Variants in NSD1 observed in about 807,000 individuals in gnomAD.
NSD1 encodes nuclear receptor binding SET domain protein 1.
A neutral mutation model predicts 242.7 loss-of-function variants in NSD1; 26 were observed. The ratio of observed to expected loss-of-function variants is 0.11; its 90% confidence interval spans 0.08 to 0.15. NSD1 has a LOEUF of 0.15. NSD1 is among the 10% of genes least tolerant of loss of function. The pLI is 1.00. For synonymous variants in NSD1, 1,106 were observed against 1,178.1 expected, an observed-to-expected ratio of 0.94 and a Z score of 1.25; for missense variants, 2,495 against 3,272.8, an observed-to-expected ratio of 0.76 and a Z score of 5.80.
At chr5:177,232,144 T>C (rs1485392214) in intron 5 of NSD1, among the ~76,000 whole-genome samples, 5 of 152,190 alleles carry the variant, frequency 3.3e-5, no homozygotes, top group East Asian at 1.9e-4. Flanking sequence ...AACCATCTGC[T>C]CACCTTGGCC....
At chr5:177,138,773 G>C (rs1448748419) in intron 2 of NSD1, among the ~76,000 whole-genome samples, 1 of 151,606 alleles carries the variant, frequency 6.6e-6, no homozygotes, top group Non-Finnish European at 1.5e-5. Flanking sequence ...CTGAGTAGCT[G>C]GGATTACAGG....
At chr5:177,252,021 A>G (rs535673540) in intron 12 of NSD1, among the ~76,000 whole-genome samples, 168 bp downstream of exon 12, 70 of 152,364 alleles carry the variant, frequency 4.6e-4, no homozygotes, top group African/African-American at 1.6e-3. Flanking sequence ...CAAGTGAATA[A>G]TAAATGGGTA....
At chr5:177,198,772 C>T (rs1019792174) in intron 3 of NSD1, among the ~76,000 whole-genome samples, 1 of 152,102 alleles carries the variant, frequency 6.6e-6, no homozygotes, top group Non-Finnish European at 1.5e-5. Flanking sequence ...AATTCATATC[C>T]TTAGTGATAG....
At chr5:177,191,116 G>C (rs1055528370) in intron 2 of NSD1, among the ~76,000 whole-genome samples, 1 of 151,778 alleles carries the variant, frequency 6.6e-6, no homozygotes, top group East Asian at 1.9e-4. Context: ...GATTACAGGT[G>C]CCCGCTAACA....
intron 6 of NSD1, among the ~76,000 whole-genome samples, chr5:177,236,956 C>T (rs1229570880): frequency 6.6e-6 from 1 of 152,168 alleles, no homozygotes; most frequent in African/African-American, 2.4e-5. Context: ...TCCGTCTCAG[C>T]CTCCTGAGTA....
intron 8 of NSD1, among the ~76,000 whole-genome samples, chr5:177,240,700 G>A (rs1037280391): frequency 6.6e-6 from 1 of 151,342 alleles, no homozygotes; most frequent in Non-Finnish European, 1.5e-5. Flanking sequence ...GTGACAGGGC[G>A]AGACTCCGTC....
At position 177,210,753 on chromosome 5, in the gene NSD1, C is replaced by G. The variant is rs1190163166; in HGVS notation, c.2354C>G (p.Pro785Arg). Residue 785 changes from proline to arginine, a missense_variant, in exon 5 of 23, where the codon CCC becomes CGC. Pro to Arg is a moderately radical substitution (Grantham distance 103, BLOSUM62 -2). Coordinates refer to ENST00000439151, the MANE Select transcript of NSD1 (RefSeq NM_022455.5). ...QALLHSKSKQ[P>R]KFRSIKCKHK... ...CTATTACATTCGAAAAGCAAACAGC[C>G]CAAGTTCCGAAGTATAAAGTGCAAA... 6.2e-7 allele frequency: 1 copy of G among 1,614,114 alleles called. No homozygotes were observed. Among genetic ancestry groups the G allele is most frequent in the Admixed American group, 1.7e-5 (1 of 59,996 alleles).
At chr5:177,231,807 C>G (rs945959855) in intron 5 of NSD1, among the ~76,000 whole-genome samples, 3 of 152,078 alleles carry the variant, frequency 2.0e-5, no homozygotes, top group African/African-American at 7.2e-5. Context: ...AAAGCAATTG[C>G]ATATATATTA....
At position 177,246,724 on chromosome 5, in the gene NSD1, G is replaced by T; in HGVS notation, c.4425G>T (p.Arg1475Ser). The change falls in exon 10 of 23, where the codon AGG becomes AGT. Residue 1475 changes from arginine (R) to serine (S), a missense_variant. Physicochemically the swap from Arg to Ser is moderately radical, Grantham distance 110 (BLOSUM62 -1). Transcript: ENST00000439151. ...FDKPRKRKRQ[R>S]HAAAKMQCKK... is the part of the protein sequence containing the mutation. Reference sequence around the variant, plus strand: ...AGCCAAGGAAGCGAAAACGACAGAGGCATGCTGCAGCCAAGATGCAGTGTA... The same window carrying T: ...AGCCAAGGAAGCGAAAACGACAGAGTCATGCTGCAGCCAAGATGCAGTGTA... 6.2e-7 allele frequency: 1 copy of T among 1,614,116 alleles called. No individual in the cohort carries two copies. Among genetic ancestry groups the T allele is most frequent in the Non-Finnish European group, 8.5e-7 (1 of 1,179,992 alleles).
intron 12 of NSD1, among the ~76,000 whole-genome samples, chr5:177,256,440 G>A (rs1231112165): frequency 1.3e-5 from 2 of 151,812 alleles, no homozygotes; most frequent in Non-Finnish European, 2.9e-5. Flanking sequence ...GCATCACCAC[G>A]CCCAGCTAAT....
Position 177,292,085 on chromosome 5 carries a change from C to T in NSD1, c.6390C>T (p.Leu2130=), listed in dbSNP as rs764586761. 37 of 1,613,992 alleles carry T rather than the reference C, an allele frequency of 2.3e-5. No homozygotes were observed. The highest frequency in any genetic ancestry group is 3.0e-5 in the Non-Finnish European group (35 of 1,180,034). ...TTAGTTGTGGGGATGCTGGCCAGCT[C>T]GTCTCCTGCAAGAAACCAGGCTGCC... ...ECFSCGDAGQ[L]VSCKKPGCPK... is the part of the protein sequence containing the mutation. Residue 2130 remains leucine (L), a synonymous_variant, in exon 22 of 23, where the codon CTC becomes CTT. Transcript: ENST00000439151.
intron 2 of NSD1, among the ~76,000 whole-genome samples, chr5:177,172,408 T>C (rs1759789237): frequency 6.6e-6 from 1 of 152,204 alleles, no homozygotes; most frequent in Non-Finnish European, 1.5e-5. Context: ...GCTTTGATGC[T>C]TTCATCAGGT....
intron 9 of NSD1, among the ~76,000 whole-genome samples, chr5:177,246,264 C>A (rs1199819138): frequency 6.6e-6 from 1 of 152,180 alleles, no homozygotes; most frequent in Non-Finnish European, 1.5e-5. Context: ...GCCACGGTGC[C>A]CAGTCCTTAA....
At chr5:177,145,930 G>C (rs1257842165) in intron 2 of NSD1, among the ~76,000 whole-genome samples, 1 of 140,260 alleles carries the variant, frequency 7.1e-6, no homozygotes, top group Non-Finnish European at 1.5e-5. Context: ...AAAAAAATCA[G>C]GAAATTCCAT....
chr5:177,164,588 G>T (rs1374286983), intron 2 of NSD1, among the ~76,000 whole-genome samples: 1 of 152,068 alleles, frequency 6.6e-6, no homozygotes, highest in Admixed American at 6.6e-5. Context: ...TATTATACTG[G>T]AAATGAATGC....
intron 3 of NSD1, among the ~76,000 whole-genome samples, chr5:177,195,498 C>G (rs531598990): frequency 6.6e-6 from 1 of 152,066 alleles, no homozygotes. Flanking sequence ...TTGAGGGTCT[C>G]GTTCTATTGC....
intron 2 of NSD1, among the ~76,000 whole-genome samples, chr5:177,181,566 C>T (rs971758531): frequency 5.3e-5 from 8 of 151,116 alleles, no homozygotes; most frequent in Admixed American, 1.3e-4. Flanking sequence ...GCTGGGATTA[C>T]AGGTGCCTGC....
chr5:177,203,616 C>T (rs912694836), intron 3 of NSD1, among the ~76,000 whole-genome samples: 6 of 152,094 alleles, frequency 3.9e-5, no homozygotes, highest in Non-Finnish European at 7.4e-5. Context: ...GTGTGGTGCT[C>T]GTCTATGAGT....
intron 21 of NSD1, among the ~76,000 whole-genome samples, chr5:177,289,377 A>G (rs1759596678): frequency 6.6e-6 from 1 of 152,312 alleles, no homozygotes; most frequent in African/African-American, 2.4e-5. Context: ...GCCACTTGCA[A>G]TTCACTAAGC....
Sources: allele counts gnomAD v4.1 joint callset (sites outside exome capture counted in the v4.1 genomes callset), GRCh38; gene constraint gnomAD v4.1.1; transcripts MANE v1.5; gene names NCBI Gene and HGNC (gene_info 2026-07-23, HGNC 2026-07-21).